RTRAF: variants seen among roughly 807,000 people sequenced by gnomAD.
The protein encoded by RTRAF is tRNA-splicing ligase complex subunit RTRAF.
RTRAF carries 14 observed loss-of-function variants against 34.4 expected under a neutral mutation model. That is an observed-to-expected ratio of 0.41 (90% CI 0.27 to 0.64). The LOEUF (loss-of-function observed/expected upper bound fraction) is 0.64, where lower values mean the gene tolerates loss of function less well. RTRAF is among the 30% of genes least tolerant of loss of function. The pLI is 0.34. For synonymous variants in RTRAF, 96 were observed against 95.3 expected (o/e 1.01, Z -0.04); for missense variants, 291 against 288.4 (o/e 1.01, Z -0.06).
chr14:52,000,835 A>G (rs1224722889), intron 5 of RTRAF, among the ~76,000 whole-genome samples: 1 of 152,190 alleles, frequency 6.6e-6, no homozygotes, highest in African/African-American at 2.4e-5. Flanking sequence ...TCATAAAGTA[A>G]GTGAGAGGAG....
At chr14:51,997,924 T>G (rs991347630) in intron 3 of RTRAF, 1 of 151,902 alleles carries the variant, frequency 6.6e-6, no homozygotes, top group Admixed American at 6.6e-5. Context: ...TTGAAATGAT[T>G]GCCTTTAGAA....
chr14:52,003,638 T>G (rs1329863124), intron 6 of RTRAF, among the ~76,000 whole-genome samples: 1 of 152,058 alleles, frequency 6.6e-6, no homozygotes, highest in Non-Finnish European at 1.5e-5. Context: ...AGGTGCTGAG[T>G]GGTTTAGTTT....
In RTRAF at chr14:51,999,845, A is replaced by G. The variant is rs371798395; in HGVS notation, c.462+49A>G. 47 of 1,326,170 alleles carry G rather than the reference A, an allele frequency of 3.5e-5. No individual in the cohort carries two copies. In the African/African-American group the frequency reaches 6.6e-4, roughly 19 times the overall value. The allele number at this position is 1,326,170 out of a possible 1,614,324, so 82.2% of individuals were successfully genotyped here. Reference sequence around the variant, plus strand: ...TGACAGAAACTGTGCACATAGAAAAATGTCTTTATTTTCTAAATATTAACT... The same window carrying G: ...TGACAGAAACTGTGCACATAGAAAAGTGTCTTTATTTTCTAAATATTAACT... On this transcript the variant is annotated intron_variant, in intron 5 of 7. Transcript: ENST00000261700.
At position 51,989,631 on chromosome 14, in the gene RTRAF, G is replaced by A; in HGVS notation, c.-9G>A. The A allele has an allele frequency of 6.2e-7, 1 of 1,600,986 alleles. No individual in the cohort carries two copies. Reference sequence around the variant, plus strand: ...GAGGCCCGGGGGACCAGAGCGAGAAGCGGGGACCATGTTCCGACGCAAGTT... The same window carrying A: ...GAGGCCCGGGGGACCAGAGCGAGAAACGGGGACCATGTTCCGACGCAAGTT... On this transcript the variant is annotated 5_prime_UTR_variant, in exon 1 of 8. Coordinates refer to ENST00000261700, the MANE Select transcript of RTRAF (RefSeq NM_016039.3).
rs926647086 is a variant in RTRAF, at chr14:52,006,365, G to A, written c.*1849G>A. 5 of 667,544 alleles carry A rather than the reference G, an allele frequency of 7.5e-6. No individual in the cohort carries two copies. Among genetic ancestry groups the A allele is most frequent in the African/African-American group, 7.2e-5 (4 of 55,512 alleles). 41.4% of individuals were successfully genotyped at this position (667,544 alleles called of 1,614,324 possible). A position where few individuals can be genotyped will look rare whatever the true frequency, so the allele number is the denominator to read the frequency against. On this transcript the variant is annotated 3_prime_UTR_variant, in exon 8 of 8. Coordinates refer to ENST00000261700, the MANE Select transcript of RTRAF (RefSeq NM_016039.3). ...AGTAAAAGGATGATTTCAAAAACATGAAAGGATGAAAAACATCCTTGAAGG... is the reference window on the plus strand; with the variant it reads ...AGTAAAAGGATGATTTCAAAAACATAAAAGGATGAAAAACATCCTTGAAGG...
At chr14:52,001,971 C>T (rs573999255) in intron 6 of RTRAF, 105 bp downstream of exon 6, 1 of 982,882 alleles carries the variant, frequency 1.0e-6, no homozygotes, top group Non-Finnish European at 1.5e-6. Context: ...ATTCTACGTT[C>T]TACAACTTAG....
In RTRAF at chr14:51,998,637, T is replaced by C. The variant is rs1890558869; in HGVS notation, c.373+57T>C. 5.8e-6 allele frequency: 7 copies of C among 1,197,726 alleles called. No individual in the cohort carries two copies. In the Admixed American group the frequency reaches 1.4e-4, roughly 24 times the overall value. The allele number at this position is 1,197,726 out of a possible 1,614,324, so 74.2% of individuals were successfully genotyped here. A position where few individuals can be genotyped will look rare whatever the true frequency, so the allele number is the denominator to read the frequency against. On this transcript the variant is annotated intron_variant, in intron 4 of 7. Transcript: ENST00000261700. ...AACATTTTTGGTTTTTTAAATGTTTTTTTCTTTGAAGAATGAAGTCCAGGT... is the reference window on the plus strand; with the variant it reads ...AACATTTTTGGTTTTTTAAATGTTTCTTTCTTTGAAGAATGAAGTCCAGGT...
intron 6 of RTRAF, among the ~76,000 whole-genome samples, chr14:52,002,551 G>A (rs1236851717): frequency 6.6e-6 from 1 of 152,144 alleles, no homozygotes; most frequent in African/African-American, 2.4e-5. Flanking sequence ...GCTGAGAAAA[G>A]CTATATCCCA....
intron 5 of RTRAF, 32 bp from the exon 6 acceptor site, chr14:52,001,766 A>G: frequency 6.3e-7 from 1 of 1,596,558 alleles, no homozygotes; most frequent in Admixed American, 1.7e-5. Context: ...TACACAGCCT[A>G]TAAAAAGTAA....
chr14:52,005,583 TA>T lies in RTRAF; in HGVS notation c.*1070del. 1 of 1,506,094 alleles carries T rather than the reference TA, an allele frequency of 6.6e-7. No individual in the cohort carries two copies. The highest frequency in any genetic ancestry group is 1.8e-5 in the Admixed American group (1 of 55,204). 93.3% of individuals were successfully genotyped at this position (1,506,094 alleles called of 1,614,324 possible). On this transcript the variant is annotated 3_prime_UTR_variant, in exon 8 of 8. Transcript: ENST00000261700. ...ACAGCAAGTCTTTGCATTTTGTGTA[TA>T]AACTAGGTAGATTTAAGGTAGTAAA...
At chr14:51,999,847 G>T in intron 5 of RTRAF, 51 bp downstream of exon 5, 1 of 1,309,120 alleles carries the variant, frequency 7.6e-7, no homozygotes, top group Non-Finnish European at 1.1e-6. Flanking sequence ...ATAGAAAAAT[G>T]TCTTTATTTT....
chr14:51,993,809 A>G lies in RTRAF; in HGVS notation c.273A>G (p.Glu91=). 1.3e-5 allele frequency: 20 copies of G among 1,576,656 alleles called. No homozygotes were observed. The highest frequency in any genetic ancestry group is 1.5e-5 in the Non-Finnish European group (17 of 1,154,498). ...TTCTTGGTTTAGCTGTTAGACTTGA[A>G]TATGGAGATAATGGTACGTTTTGTG... ...DWLLGLAVRL[E]YGDNAEKYKD... The change falls in exon 3 of 8, where the codon GAA becomes GAG. Residue 91 remains glutamate (E), a synonymous_variant. Coordinates refer to ENST00000261700, the MANE Select transcript of RTRAF (RefSeq NM_016039.3).
chr14:51,998,272 A>G, intron 3 of RTRAF: 1 of 399,694 alleles, frequency 2.5e-6, no homozygotes, highest in Non-Finnish European at 4.5e-6. Flanking sequence ...GAACATAAAA[A>G]TGAATTTTGT....
intron 6 of RTRAF, among the ~76,000 whole-genome samples, chr14:52,003,346 G>A (rs1456512841): frequency 6.6e-6 from 1 of 152,128 alleles, no homozygotes; most frequent in Non-Finnish European, 1.5e-5. Flanking sequence ...TTGCTCACTT[G>A]TGCTTTCGTA....
Position 52,009,092 on chromosome 14 carries a change from C to A in RTRAF, c.*4576C>A, listed in dbSNP as rs1890908858. On this transcript the variant is annotated 3_prime_UTR_variant, in exon 8 of 8. Coordinates refer to ENST00000261700, the MANE Select transcript of RTRAF (RefSeq NM_016039.3). ...ATAAATCAGTTGGGCTACAGAGAAC[C>A]TCAGTGAGAGGAGAGGAAGAAACCA... 1 of 152,094 alleles carries A rather than the reference C, an allele frequency of 6.6e-6. No individual in the cohort carries two copies. Among genetic ancestry groups the A allele is most frequent in the Non-Finnish European group, 1.5e-5 (1 of 68,022 alleles). The allele number at this position is 152,094 out of a possible 1,614,324, so 9.4% of individuals were successfully genotyped here. A position where few individuals can be genotyped will look rare whatever the true frequency, so the allele number is the denominator to read the frequency against.
intron 3 of RTRAF, among the ~76,000 whole-genome samples, chr14:51,996,107 G>T: frequency 6.6e-6 from 1 of 152,162 alleles, no homozygotes; most frequent in African/African-American, 2.4e-5. Context: ...GTAAGTACAT[G>T]TATTTCTCAG....
At position 52,006,205 on chromosome 14, in the gene RTRAF, T is replaced by G. The variant is rs1304722672; in HGVS notation, c.*1689T>G. 2.5e-6 allele frequency: 1 copy of G among 392,908 alleles called. No individual in the cohort carries two copies. Among genetic ancestry groups the G allele is most frequent in the Non-Finnish European group, 4.7e-6 (1 of 210,980 alleles). The allele number at this position is 392,908 out of a possible 1,614,324, so 24.3% of individuals were successfully genotyped here. On this transcript the variant is annotated 3_prime_UTR_variant, in exon 8 of 8. Transcript: ENST00000261700. Reference sequence around the variant, plus strand: ...AAAAGCCAACTTAAGCCCTGTAATATAGCTCATGGTATCAAGGGTAGTCTT... The same window carrying G: ...AAAAGCCAACTTAAGCCCTGTAATAGAGCTCATGGTATCAAGGGTAGTCTT...
At chr14:51,992,898 C>T (rs1890455110) in intron 2 of RTRAF, among the ~76,000 whole-genome samples, 2 of 152,178 alleles carry the variant, frequency 1.3e-5, no homozygotes, top group East Asian at 1.9e-4. Context: ...GGTGTGGTGG[C>T]GCATGTGTGT....
In RTRAF at chr14:52,001,858, A is replaced by G. The variant is rs1890606183; in HGVS notation, c.523A>G (p.Thr175Ala). 6 of 1,609,040 alleles carry G rather than the reference A, an allele frequency of 3.7e-6. No individual in the cohort carries two copies. The highest frequency in any genetic ancestry group is 4.2e-6 in the Non-Finnish European group (5 of 1,178,502). ...GGATGCAGTTGCTAAGGCAAATCAA[A>G]CAAAAGAGGTACGTTTCTATAAATC... ...TQDAVAKANQTKEGLPVALDK... is the reference protein window; with the variant it reads ...TQDAVAKANQAKEGLPVALDK... The change falls in exon 6 of 8, where the codon ACA becomes GCA. Residue 175 changes from threonine (T) to alanine (A), a missense_variant. Thr to Ala is a moderately conservative substitution (Grantham distance 58). Coordinates refer to ENST00000261700, the MANE Select transcript of RTRAF (RefSeq NM_016039.3).
Sources: gnomAD v4.1 joint callset for allele counts (sites outside exome capture counted in the v4.1 genomes callset) on GRCh38, gnomAD v4.1.1 for gene constraint, MANE v1.5 for transcripts, NCBI Gene and HGNC (gene_info 2026-07-23, HGNC 2026-07-21) for gene names.